ADAMTS12: variants seen among roughly 807,000 people sequenced by gnomAD.
The protein encoded by ADAMTS12 is ADAM metallopeptidase with thrombospondin type 1 motif 12.
Under a neutral mutation model 167.8 loss-of-function variants are expected in ADAMTS12, and 118 were observed. The observed-to-expected ratio is 0.70, with a 90% confidence interval of 0.61 to 0.82. The LOEUF (loss-of-function observed/expected upper bound fraction) is 0.82. Among genes scored for constraint, ADAMTS12 ranks in the 40% least tolerant of loss-of-function variants. ADAMTS12 has a pLI of 0.00. For synonymous variants in ADAMTS12, 704 were observed against 716.9 expected, an observed-to-expected ratio of 0.98 and a Z score of 0.29; for missense variants, 1,916 against 1,998.8, an observed-to-expected ratio of 0.96 and a Z score of 0.79.
chr5:33,797,537 C>T (rs889307944), intron 2 of ADAMTS12, among the ~76,000 whole-genome samples: 2 of 151,898 alleles, frequency 1.3e-5, no homozygotes, highest in Non-Finnish European at 2.9e-5. Flanking sequence ...CATGGCTGAG[C>T]GCAGAAGCCA....
chr5:33,770,817 TTCC>T lies in ADAMTS12; in HGVS notation c.490-19272_490-19270del, dbSNP rs536676691. On this transcript the variant is annotated intron_variant, in intron 2 of 23. Transcript: ENST00000504830. ...CTTCTCCTCCTTCTTCTTCTTCTCC[TTCC>T]TCTTCTTCTTCCTCTTCCCCTCCTC... 6.2e-4 allele frequency among the ~76,000 whole-genome samples: 94 copies of T among 151,166 alleles called. No homozygotes were observed. The East Asian group carries it at 0.016, about 26-fold the overall frequency.
At chr5:33,665,172 C>A (rs1399549149) in intron 5 of ADAMTS12, among the ~76,000 whole-genome samples, 2 of 152,156 alleles carry the variant, frequency 1.3e-5, no homozygotes, top group East Asian at 3.9e-4. Flanking sequence ...AAGACAAATA[C>A]CACATGATCT....
chr5:33,822,336 T>G (rs902873383), intron 2 of ADAMTS12, among the ~76,000 whole-genome samples: 1 of 152,180 alleles, frequency 6.6e-6, no homozygotes, highest in African/African-American at 2.4e-5. Flanking sequence ...ATTGCCCACT[T>G]GGACACAGAG....
At chr5:33,559,016 C>T (rs768021743) in intron 20 of ADAMTS12, among the ~76,000 whole-genome samples, 12 of 152,124 alleles carry the variant, frequency 7.9e-5, no homozygotes, top group Admixed American at 4.6e-4. Flanking sequence ...GGAAAGGGTC[C>T]GAAAGACCGA....
rs543146168 is a variant in ADAMTS12, at chr5:33,791,993, C to T, written c.490-40445G>A. On this transcript the variant is annotated intron_variant, in intron 2 of 23. Transcript: ENST00000504830. ...TAGTCTTAGCTTAAACGTGCTTTCACACTTTTTTTTTTTTTTTTTTTTGAG... is the reference window on the plus strand; with the variant it reads ...TAGTCTTAGCTTAAACGTGCTTTCATACTTTTTTTTTTTTTTTTTTTTGAG... Among the ~76,000 whole-genome samples the T allele has an allele frequency of 2.5e-3, 335 of 135,310 alleles. 1 individual carries two copies. Among genetic ancestry groups the T allele is most frequent in the African/African-American group, 9.6e-3 (323 of 33,500 alleles). The allele number at this position is 135,310 out of a possible 152,430, so 88.8% of individuals were successfully genotyped here. A position where few individuals can be genotyped will look rare whatever the true frequency, so the allele number is the denominator to read the frequency against.
chr5:33,571,456 T>C (rs1477556548), intron 19 of ADAMTS12, among the ~76,000 whole-genome samples: 1 of 151,722 alleles, frequency 6.6e-6, no homozygotes, highest in Admixed American at 6.6e-5. Context: ...TCAAAACCAC[T>C]CAACTACATG....
At chr5:33,746,386 A>G (rs966577155) in intron 3 of ADAMTS12, among the ~76,000 whole-genome samples, 2 of 152,206 alleles carry the variant, frequency 1.3e-5, no homozygotes, top group Non-Finnish European at 2.9e-5. Context: ...AATTCCAAGG[A>G]GCTAGTGTTA....
intron 14 of ADAMTS12, among the ~76,000 whole-genome samples, chr5:33,623,147 G>A (rs920321559): frequency 6.6e-6 from 1 of 152,174 alleles, no homozygotes; most frequent in Non-Finnish European, 1.5e-5. Context: ...GTTTAGAAGA[G>A]AGATATTATT....
chr5:33,674,646 G>C (rs1415608855), intron 5 of ADAMTS12, among the ~76,000 whole-genome samples: 3 of 152,118 alleles, frequency 2.0e-5, no homozygotes, highest in African/African-American at 7.2e-5. Flanking sequence ...GCATACACTT[G>C]GGCTGCCTGC....
intron 2 of ADAMTS12, among the ~76,000 whole-genome samples, chr5:33,859,511 A>C (rs1011045500): frequency 2.6e-5 from 4 of 152,236 alleles, no homozygotes; most frequent in African/African-American, 9.6e-5. Flanking sequence ...AGCTCCAGTC[A>C]GGGGCTTATA....
chr5:33,768,504 T>A (rs1407454523), intron 2 of ADAMTS12, among the ~76,000 whole-genome samples: 1 of 152,214 alleles, frequency 6.6e-6, no homozygotes, highest in African/African-American at 2.4e-5. Context: ...ATTTAAATCA[T>A]GCAACAGAAT....
At chr5:33,880,216 A>T (rs1214542979) in intron 2 of ADAMTS12, among the ~76,000 whole-genome samples, 1 of 152,266 alleles carries the variant, frequency 6.6e-6, no homozygotes, top group Non-Finnish European at 1.5e-5. Flanking sequence ...CTCATCTGCT[A>T]AAACGAGGCA....
At chr5:33,786,414 G>T (rs994987309) in intron 2 of ADAMTS12, among the ~76,000 whole-genome samples, 21 of 151,362 alleles carry the variant, frequency 1.4e-4, no homozygotes, top group Non-Finnish European at 2.8e-4. Context: ...AGATGGGGAG[G>T]GAAAGAGAAG....
At position 33,763,867 on chromosome 5, in the gene ADAMTS12, A is replaced by G. The variant is rs935648703; in HGVS notation, c.490-12319T>C. Among the ~76,000 whole-genome samples, 7 of 152,344 alleles carry G rather than the reference A, an allele frequency of 4.6e-5. 1 individual carries two copies. The highest frequency in any genetic ancestry group is 4.6e-4 in the Admixed American group (7 of 15,308). On this transcript the variant is annotated intron_variant, in intron 2 of 23. Coordinates refer to ENST00000504830, the MANE Select transcript of ADAMTS12 (RefSeq NM_030955.4). Reference sequence around the variant, plus strand: ...AGAGCTTGGGCTTTACAGTTAATGTAGATCTCAGTTCTTACACTGATTCTG... The same window carrying G: ...AGAGCTTGGGCTTTACAGTTAATGTGGATCTCAGTTCTTACACTGATTCTG...
intron 2 of ADAMTS12, among the ~76,000 whole-genome samples, chr5:33,795,666 G>A (rs920068654): frequency 1.3e-5 from 2 of 152,158 alleles, no homozygotes; most frequent in Admixed American, 1.3e-4. Flanking sequence ...GGAGGAATGG[G>A]GGAGCTGGGA....
At chr5:33,665,068 A>G (rs1474223522) in intron 5 of ADAMTS12, among the ~76,000 whole-genome samples, 1 of 152,214 alleles carries the variant, frequency 6.6e-6, no homozygotes, top group Non-Finnish European at 1.5e-5. Flanking sequence ...ATAATGGAAC[A>G]TTCATTATTC....
chr5:33,574,660 A>G (rs1433161760), intron 19 of ADAMTS12, among the ~76,000 whole-genome samples: 1 of 151,942 alleles, frequency 6.6e-6, no homozygotes, highest in Non-Finnish European at 1.5e-5. Context: ...CGACGAATTA[A>G]TGGGTGCAGC....
At chr5:33,527,411 C>T in intron 23 of ADAMTS12, 45 bp from the exon 24 acceptor site, 1 of 1,581,494 alleles carries the variant, frequency 6.3e-7, no homozygotes, top group Non-Finnish European at 8.6e-7. Flanking sequence ...AAAGATTATC[C>T]TTTGTGGATA....
chr5:33,820,252 C>T (rs1181582135), intron 2 of ADAMTS12, among the ~76,000 whole-genome samples: 1 of 152,102 alleles, frequency 6.6e-6, no homozygotes, highest in African/African-American at 2.4e-5. Context: ...GGATTTTGCT[C>T]TTTGCAGGGG....
Sources: allele counts gnomAD v4.1 joint callset (sites outside exome capture counted in the v4.1 genomes callset), GRCh38; gene constraint gnomAD v4.1.1; transcripts MANE v1.5; gene names NCBI Gene and HGNC (gene_info 2026-07-23, HGNC 2026-07-21).